FAM149A: variants seen among roughly 807,000 people sequenced by gnomAD.
The protein encoded by FAM149A is protein FAM149A.
FAM149A carries 71 observed loss-of-function variants against 78.2 expected under a neutral mutation model. The ratio of observed to expected loss-of-function variants is 0.91; its 90% CI spans 0.75 to 1.11. The LOEUF (loss-of-function observed/expected upper bound fraction) is 1.11. Among genes scored for constraint, FAM149A ranks in the 50% least tolerant of loss-of-function variants. FAM149A has a pLI of 0.00. For synonymous variants in FAM149A, 446 were observed against 410.5 expected, an observed-to-expected ratio of 1.09 and a Z score of -1.04; for missense variants, 1,036 against 971.0, an observed-to-expected ratio of 1.07 and a Z score of -0.89.
At chr4:186,153,297 A>G in intron 4 of FAM149A, 1 of 943,682 alleles carries the variant, frequency 1.1e-6, no homozygotes, top group Non-Finnish European at 1.3e-6. Context: ...GTTAATATGT[A>G]TGGAGGGCTT....
chr4:186,137,853 A>T (rs532388083), intron 1 of FAM149A, among the ~76,000 whole-genome samples: 45 of 151,680 alleles, frequency 3.0e-4, no homozygotes, highest in Admixed American at 7.9e-4. Flanking sequence ...ATTTTTAAAT[A>T]TTAAATAATA....
chr4:186,163,108 G>A (rs1475795843), intron 9 of FAM149A, among the ~76,000 whole-genome samples, 160 bp downstream of exon 9: 1 of 152,128 alleles, frequency 6.6e-6, no homozygotes, highest in Non-Finnish European at 1.5e-5. Flanking sequence ...AGACCCTTTA[G>A]TACCAACCAC....
intron 13 of FAM149A, chr4:186,169,877 T>C (rs1735384881): frequency 2.0e-6 from 2 of 985,356 alleles, no homozygotes; most frequent in African/African-American, 3.5e-5. Context: ...AAAAGAGCTA[T>C]TAGAAGAGAG....
chr4:186,145,003 G>C, intron 1 of FAM149A: 1 of 981,470 alleles, frequency 1.0e-6, no homozygotes, highest in Non-Finnish European at 1.2e-6. Context: ...GCGCGTGACC[G>C]GCTGTCTGCG....
intron 1 of FAM149A, chr4:186,125,432 C>T (rs779578451): frequency 1.5e-5 from 11 of 726,714 alleles, no homozygotes; most frequent in Non-Finnish European, 1.9e-5. Context: ...ACAGTAATGA[C>T]GCTGCCTCTC....
chr4:186,170,729 T>G (rs905520184), intron 13 of FAM149A: 11 of 152,414 alleles, frequency 7.2e-5, no homozygotes, highest in African/African-American at 2.4e-4. Flanking sequence ...CCCGCCAAAG[T>G]GGAACCTTCC....
In FAM149A at chr4:186,104,705, G is replaced by C. The variant is rs539945256; in HGVS notation, c.-372G>C. ...CCGAGCCGCACCTGGGGCCCAATTA[G>C]CCTGGAGCGCGGCCGGGTGTGTTGA... On this transcript the variant is annotated 5_prime_UTR_variant, in exon 1 of 14. Transcript: ENST00000389354. 1.3e-5 allele frequency among the ~76,000 whole-genome samples: 2 copies of C among 150,722 alleles called. No individual in the cohort carries two copies. The highest frequency in any genetic ancestry group is 3.0e-5 in the Non-Finnish European group (2 of 67,700).
chr4:186,105,305 C>T lies in FAM149A; in HGVS notation c.229C>T (p.Pro77Ser). Reference sequence around the variant, plus strand: ...GTCGCCCGCCCCGCTGCTCTCCTCCCCCTACTCCCGGGGCTCCGCCGCCAG... The same window carrying T: ...GTCGCCCGCCCCGCTGCTCTCCTCCTCCTACTCCCGGGGCTCCGCCGCCAG... The change falls in exon 1 of 14, where the codon CCC (proline) becomes TCC (serine). Residue 77 changes from proline (P) to serine (S), a missense_variant. Transcript: ENST00000389354. 2 of 1,177,662 alleles carry T rather than the reference C, an allele frequency of 1.7e-6. No individual in the cohort carries two copies. Among genetic ancestry groups the T allele is most frequent in the South Asian group, 1.6e-5 (1 of 63,074 alleles). The allele number at this position is 1,177,662 out of a possible 1,614,324, so 73.0% of individuals were successfully genotyped here.
intron 1 of FAM149A, among the ~76,000 whole-genome samples, chr4:186,128,347 C>T (rs1014135790): frequency 6.6e-6 from 1 of 151,866 alleles, no homozygotes; most frequent in African/African-American, 2.4e-5. Context: ...TTTGTGGTCA[C>T]AGCTTACGAC....
intron 1 of FAM149A, among the ~76,000 whole-genome samples, chr4:186,135,000 C>T (rs2099322133): frequency 6.6e-6 from 1 of 152,162 alleles, no homozygotes; most frequent in Admixed American, 6.5e-5. Context: ...CGGTGGCTCT[C>T]GAAGTGCCAT....
chr4:186,140,511 C>T (rs1376270043), intron 1 of FAM149A, among the ~76,000 whole-genome samples: 2 of 145,612 alleles, frequency 1.4e-5, no homozygotes, highest in East Asian at 2.1e-4. Flanking sequence ...TTCTGAACTC[C>T]TGAGCTCAAG....
At chr4:186,130,289 C>CTATATA (rs1257437565) in intron 1 of FAM149A, 504 of 36,784 alleles carry the variant, frequency 0.014, 1 homozygote, top group Admixed American at 0.017. Context: ...CTCTCTCTCT[C>CTATATA]TCTCTATATA....
rs1734854015 is a variant in FAM149A at position 186,164,414 on chromosome 4, T to G, written c.1889+781T>G. On this transcript the variant is annotated intron_variant, in intron 10 of 13. Transcript: ENST00000389354. The surrounding 1 kb of genome is among the most constrained non-coding windows in gnomAD (Gnocchi z 4.0). The stretch of plus-strand genomic sequence containing the variant: ...GAGACCACCCACTGGACCCCCGGCC[T>G]GCAGGGGAGCTGTTATCAGGAGCCG... 2 of 976,284 alleles carry G rather than the reference T, an allele frequency of 2.0e-6. No homozygotes were observed. Among genetic ancestry groups the G allele is most frequent in the East Asian group, 2.3e-4 (2 of 8,756 alleles). 60.5% of individuals were successfully genotyped at this position (976,284 alleles called of 1,614,324 possible).
intron 1 of FAM149A, among the ~76,000 whole-genome samples, chr4:186,117,233 A>G (rs763684031): frequency 3.0e-4 from 46 of 152,328 alleles, no homozygotes; most frequent in South Asian, 4.1e-4. Context: ...TGTACAAAAT[A>G]CAGTTTATTG....
Position 186,125,481 on chromosome 4 carries a change from T to C in FAM149A, c.566+19839T>C, listed in dbSNP as rs114897590. ...AGCACGCTGGGAAGCCTGAGGAAGA[T>C]AGTCCGTCCGTCAGCCAGCCAGCAA... On this transcript the variant is annotated intron_variant, in intron 1 of 13. Coordinates refer to ENST00000389354, the MANE Select transcript of FAM149A (RefSeq NM_001367768.3). 1,105 of 414,714 alleles carry C rather than the reference T, an allele frequency of 2.7e-3. 16 individuals carry two copies. The highest frequency in any genetic ancestry group is 0.023 in the African/African-American group (1,050 of 46,408). 25.7% of individuals were successfully genotyped at this position (414,714 alleles called of 1,614,324 possible). A position where few individuals can be genotyped will look rare whatever the true frequency, so the allele number is the denominator to read the frequency against.
chr4:186,119,340 G>A (rs1375652820), intron 1 of FAM149A, among the ~76,000 whole-genome samples: 1 of 152,154 alleles, frequency 6.6e-6, no homozygotes, highest in Admixed American at 6.5e-5. Context: ...TTTTTGAGAG[G>A]TAGAAATAAT....
chr4:186,126,157 T>C, intron 1 of FAM149A: 5 of 929,646 alleles, frequency 5.4e-6, no homozygotes, highest in Non-Finnish European at 6.4e-6. Flanking sequence ...CTGTCCATAC[T>C]ACTCATTACT....
intron 1 of FAM149A, among the ~76,000 whole-genome samples, chr4:186,128,590 G>A (rs1024248961): frequency 6.6e-6 from 1 of 152,082 alleles, no homozygotes; most frequent in Non-Finnish European, 1.5e-5. Context: ...TATGGGGAAG[G>A]GCTGAGCTCT....
intron 3 of FAM149A, among the ~76,000 whole-genome samples, chr4:186,149,960 GC>G (rs1733346374): frequency 6.6e-6 from 1 of 152,294 alleles, no homozygotes; most frequent in East Asian, 1.9e-4. Context: ...CCTGCAGCCG[GC>G]TCTCCGGGTG....
Sources: allele counts gnomAD v4.1 joint callset (sites outside exome capture counted in the v4.1 genomes callset), GRCh38; gene constraint gnomAD v4.1.1; non-coding constraint Gnocchi (gnomAD v3.1); transcripts MANE v1.5; gene names NCBI Gene and HGNC (gene_info 2026-07-23, HGNC 2026-07-21).